CNBD1: variants seen among roughly 807,000 people sequenced by gnomAD.
CNBD1 encodes cyclic nucleotide-binding domain-containing protein 1.
CNBD1 carries 71 observed loss-of-function variants against 54.4 expected under a neutral mutation model. The ratio of observed to expected loss-of-function variants is 1.30; its 90% CI spans 1.08 to 1.59. The LOEUF (loss-of-function observed/expected upper bound fraction) is 1.59. CNBD1 is among the 40% of genes most tolerant of loss of function. The pLI is 0.00. For missense variants in CNBD1, 659 were observed against 518.0 expected, an observed-to-expected ratio of 1.27 and a Z score of -2.64; for synonymous variants, 182 against 170.7, an observed-to-expected ratio of 1.07 and a Z score of -0.51.
At position 87,307,748 on chromosome 8, in the gene CNBD1, T is replaced by TTA. The variant is rs35262193; in HGVS notation, c.1042+21094_1042+21095dup. ...GTGAAACTCCGTCTCAAAAAAAAAA[T>TTA]TATATATATATATATATAACTTAGC... is the stretch of plus-strand genomic sequence containing the variant. On this transcript the variant is annotated intron_variant, in intron 8 of 10. Coordinates refer to ENST00000518476, the MANE Select transcript of CNBD1 (RefSeq NM_173538.3). Among the ~76,000 whole-genome samples the TTA allele has an allele frequency of 9.5e-3, 1,308 of 138,070 alleles. 46 individuals are homozygous for TTA. The highest frequency in any genetic ancestry group is 0.027 in the African/African-American group (949 of 34,978). The allele number at this position is 138,070 out of a possible 152,430, so 90.6% of individuals were successfully genotyped here.
intron 6 of CNBD1, among the ~76,000 whole-genome samples, chr8:87,239,699 A>T (rs1807653127): frequency 6.6e-6 from 1 of 152,178 alleles, no homozygotes. Context: ...ATTTCTCATG[A>T]GATAATGTAT....
intron 4 of CNBD1, among the ~76,000 whole-genome samples, chr8:87,186,708 C>A (rs1351171658): frequency 6.6e-6 from 1 of 151,784 alleles, no homozygotes; most frequent in African/African-American, 2.4e-5. Flanking sequence ...CTTATTTTAA[C>A]TTATTTATTT....
At chr8:87,351,489 G>A (rs938339578) in intron 8 of CNBD1, among the ~76,000 whole-genome samples, 196 bp from the exon 9 acceptor site, 2 of 152,076 alleles carry the variant, frequency 1.3e-5, no homozygotes, top group Non-Finnish European at 2.9e-5. Context: ...AATATTACAT[G>A]TATTATGTTA....
At chr8:87,265,838 C>T (rs1401952253) in intron 6 of CNBD1, among the ~76,000 whole-genome samples, 1 of 152,072 alleles carries the variant, frequency 6.6e-6, no homozygotes, top group East Asian at 1.9e-4. Context: ...CTAATCACCT[C>T]TCTAAATGGA....
intron 6 of CNBD1, among the ~76,000 whole-genome samples, chr8:87,264,301 A>G (rs1328913229): frequency 2.6e-5 from 4 of 152,066 alleles, no homozygotes; most frequent in African/African-American, 9.7e-5. Flanking sequence ...TTCCAGCTTC[A>G]TCCATGTCCC....
At chr8:87,386,442 G>A (rs7827859), downstream of CNBD1, among the ~76,000 whole-genome samples, 60,772 of 151,920 alleles carry the variant, frequency 0.4, 12,403 homozygotes, top group Middle Eastern at 0.46. Flanking sequence ...GCTGAAAACC[G>A]TGGCACGAGA....
At chr8:87,350,762 A>G (rs971742040) in intron 8 of CNBD1, among the ~76,000 whole-genome samples, 13 of 151,934 alleles carry the variant, frequency 8.6e-5, no homozygotes, top group African/African-American at 2.9e-4. Flanking sequence ...TTAAATATTG[A>G]TATGTTTCAG....
At chr8:87,063,590 C>G (rs1810587664) in intron 4 of CNBD1, among the ~76,000 whole-genome samples, 1 of 151,972 alleles carries the variant, frequency 6.6e-6, no homozygotes, top group Non-Finnish European at 1.5e-5. Context: ...TCTTGAGAGT[C>G]ATAGCTGTTC....
intron 4 of CNBD1, among the ~76,000 whole-genome samples, chr8:87,032,797 C>T (rs933380903): frequency 2.0e-5 from 3 of 152,176 alleles, no homozygotes; most frequent in Admixed American, 6.5e-5. Flanking sequence ...AAATCAGACT[C>T]CTTCTGCCAG....
chr8:87,048,721 G>A (rs1215128228), intron 4 of CNBD1, among the ~76,000 whole-genome samples: 1 of 152,172 alleles, frequency 6.6e-6, no homozygotes, highest in Non-Finnish European at 1.5e-5. Flanking sequence ...AAAAGATATG[G>A]AATGCCCCTT....
At chr8:87,304,232 A>G (rs1297666291) in intron 8 of CNBD1, among the ~76,000 whole-genome samples, 3 of 151,908 alleles carry the variant, frequency 2.0e-5, no homozygotes, top group Admixed American at 2.0e-4. Flanking sequence ...ACTTGGAACA[A>G]ACCCAAATGT....
intron 2 of CNBD1, among the ~76,000 whole-genome samples, chr8:87,422,866 G>A (rs537663881): frequency 6.6e-6 from 1 of 152,290 alleles, no homozygotes; most frequent in Admixed American, 6.5e-5. Context: ...ACCTTGGGCA[G>A]TATGGCCATT....
chr8:87,037,448 G>A (rs1809973379), intron 4 of CNBD1, among the ~76,000 whole-genome samples: 2 of 152,082 alleles, frequency 1.3e-5, no homozygotes, highest in South Asian at 4.1e-4. Context: ...AACTCATTAA[G>A]CATTAGCATT....
At chr8:87,270,904 G>T (rs561152181) in intron 6 of CNBD1, among the ~76,000 whole-genome samples, 1 of 151,688 alleles carries the variant, frequency 6.6e-6, no homozygotes, top group South Asian at 2.1e-4. Flanking sequence ...AATGTCCTGG[G>T]CTTTTGTTTG....
intron 8 of CNBD1, among the ~76,000 whole-genome samples, chr8:87,299,265 T>G (rs1808939542): frequency 6.6e-6 from 1 of 152,178 alleles, no homozygotes; most frequent in African/African-American, 2.4e-5. Flanking sequence ...CTTCCTCTCC[T>G]TCCACATTTT....
intron 2 of CNBD1, among the ~76,000 whole-genome samples, chr8:86,888,530 G>A (rs1016693591): frequency 2.6e-5 from 4 of 151,936 alleles, no homozygotes; most frequent in Non-Finnish European, 5.9e-5. Context: ...TCTCTGCCTT[G>A]GTTTTTTCAT....
At chr8:87,188,072 G>C (rs949127803) in intron 4 of CNBD1, among the ~76,000 whole-genome samples, 1 of 152,008 alleles carries the variant, frequency 6.6e-6, no homozygotes, top group African/African-American at 2.4e-5. Context: ...AGTGTTTCTT[G>C]AATACTTGAT....
intron 4 of CNBD1, among the ~76,000 whole-genome samples, chr8:87,164,894 T>C (rs1169166937): frequency 6.6e-6 from 1 of 151,894 alleles, no homozygotes; most frequent in African/African-American, 2.4e-5. Flanking sequence ...TCTTTTGTTT[T>C]ACTTAATGTA....
chr8:86,887,702 G>A (rs1250282135), intron 2 of CNBD1, 91 bp downstream of exon 2: 2 of 856,724 alleles, frequency 2.3e-6, no homozygotes, highest in Non-Finnish European at 3.6e-6. Flanking sequence ...ACCATTGCTG[G>A]CTCTCAGAGG....
Sources: allele counts gnomAD v4.1 joint callset (sites outside exome capture counted in the v4.1 genomes callset), GRCh38; gene constraint gnomAD v4.1.1; transcripts MANE v1.5; gene names NCBI Gene and HGNC (gene_info 2026-07-23, HGNC 2026-07-21).